Variants in TAF2 observed in about 807,000 individuals in gnomAD.
TAF2 encodes transcription initiation factor TFIID subunit 2.
Under a neutral mutation model 138.5 loss-of-function variants are expected in TAF2, and 61 were observed. The ratio of observed to expected loss-of-function variants is 0.44; its 90% CI spans 0.36 to 0.54. The LOEUF (loss-of-function observed/expected upper bound fraction) is 0.54. Among genes scored for constraint, TAF2 ranks in the 20% least tolerant of loss-of-function variants. The pLI, the probability that TAF2 is intolerant of heterozygous loss-of-function variation, is 0.00. For synonymous variants in TAF2, 475 were observed against 469.9 expected (o/e 1.01, Z -0.14); for missense variants, 1,090 against 1,427.9 (o/e 0.76, Z 3.81).
At chr8:119,783,779 T>C (rs989289551) in intron 15 of TAF2, 146 bp from the exon 16 acceptor site, 3 of 961,648 alleles carry the variant, frequency 3.1e-6, no homozygotes, top group South Asian at 3.6e-5. Flanking sequence ...TATTCATTTT[T>C]TTAAACTGCA....
intron 2 of TAF2, among the ~76,000 whole-genome samples, chr8:119,825,509 A>T (rs1259663226): frequency 6.6e-6 from 1 of 152,098 alleles, no homozygotes; most frequent in Non-Finnish European, 1.5e-5. Flanking sequence ...TGAGGGCTTA[A>T]GATTTGGGAG....
chr8:119,806,478 T>C (rs1220393587), intron 3 of TAF2, 77 bp from the exon 4 acceptor site: 87 of 1,151,608 alleles, frequency 7.6e-5, no homozygotes, highest in African/African-American at 9.5e-5. Flanking sequence ...TCTTTTTTTT[T>C]TTTTTTTTTT....
At position 119,778,116 on chromosome 8, in the gene TAF2, G is replaced by C. The variant is rs752182474; in HGVS notation, c.2267C>G (p.Ala756Gly). ...SYFLQKTMPVAMALLRDVHNL... is the reference protein window; with the variant it reads ...SYFLQKTMPVGMALLRDVHNL... The stretch of plus-strand genomic sequence containing the variant: ...ATGAACATCTCTTAATAAAGCCATT[G>C]CAACTGGCATAGTCTACAAAAGAAA... Residue 756 changes from alanine to glycine, a missense_variant, in exon 18 of 26, where the codon GCA becomes GGA. Ala to Gly is a moderately conservative substitution (Grantham distance 60). Around this residue, in one of 3 missense-constraint regions of TAF2, gnomAD observed 580 missense variants for 719.6 expected, o/e 0.81. Transcript: ENST00000378164. The C allele has an allele frequency of 6.2e-7, 1 of 1,600,766 alleles. No individual in the cohort carries two copies. The highest frequency in any genetic ancestry group is 8.5e-7 in the Non-Finnish European group (1 of 1,170,182).
intron 2 of TAF2, among the ~76,000 whole-genome samples, chr8:119,821,186 A>T (rs1003946838): frequency 1.3e-5 from 2 of 152,184 alleles, no homozygotes; most frequent in Non-Finnish European, 2.9e-5. Context: ...TAGGGCTCTA[A>T]CCTACAGCTG....
chr8:119,767,943 G>A (rs183278102), intron 18 of TAF2, among the ~76,000 whole-genome samples: 177 of 152,242 alleles, frequency 1.2e-3, no homozygotes, highest in Non-Finnish European at 1.9e-3. Flanking sequence ...CTGCCACCTC[G>A]AGGCCAGGGA....
intron 22 of TAF2, among the ~76,000 whole-genome samples, chr8:119,748,027 G>A (rs1041735650): frequency 3.3e-5 from 5 of 152,070 alleles, no homozygotes; most frequent in Non-Finnish European, 5.9e-5. Context: ...GGCTGGGTGA[G>A]GCAGGAGAAT....
chr8:119,759,887 T>G (rs922187136), intron 20 of TAF2, among the ~76,000 whole-genome samples: 2 of 152,306 alleles, frequency 1.3e-5, no homozygotes, highest in African/African-American at 4.8e-5. Flanking sequence ...TGAATCTACA[T>G]ATTCTAAAGA....
chr8:119,812,701 G>A lies in TAF2; in HGVS notation c.300-6300C>T, dbSNP rs192442936. On this transcript the variant is annotated intron_variant, in intron 3 of 25. Transcript: ENST00000378164. Reference sequence around the variant, plus strand: ...AAAGACATTTCATTATTTTTTTATGGCTGAGTAGTATTCCATGGTGTGTGT... The same window carrying A: ...AAAGACATTTCATTATTTTTTTATGACTGAGTAGTATTCCATGGTGTGTGT... 3.4e-3 allele frequency among the ~76,000 whole-genome samples: 505 copies of A among 149,848 alleles called. 2 individuals are homozygous for A. The highest frequency in any genetic ancestry group is 0.011 in the South Asian group (50 of 4,732).
intron 17 of TAF2, among the ~76,000 whole-genome samples, chr8:119,779,946 T>C (rs1341479445): frequency 2.6e-5 from 4 of 152,222 alleles, no homozygotes; most frequent in Admixed American, 2.6e-4. Flanking sequence ...CTCTTTTCCC[T>C]GTGTCATACA....
At chr8:119,819,286 T>C (rs1407776006) in intron 3 of TAF2, 60 bp downstream of exon 3, 1 of 1,549,854 alleles carries the variant, frequency 6.5e-7, no homozygotes, top group East Asian at 2.3e-5. Flanking sequence ...ACTAATCCAA[T>C]CATTAAAAAC....
chr8:119,787,246 C>T, intron 14 of TAF2, among the ~76,000 whole-genome samples: 1 of 152,054 alleles, frequency 6.6e-6, no homozygotes, highest in Non-Finnish European at 1.5e-5. Flanking sequence ...AGGAGATATA[C>T]CTAATGCTAA....
chr8:119,819,314 A>G, intron 3 of TAF2, 32 bp downstream of exon 3: 1 of 1,605,400 alleles, frequency 6.2e-7, no homozygotes, highest in Non-Finnish European at 8.5e-7. Flanking sequence ...CAAAACTGTT[A>G]AAAATAGTGA....
rs768176043 is a variant in TAF2, at chr8:119,781,083, A to G, written c.2223T>C (p.Phe741=). The change falls in exon 17 of 26, where the codon TTT becomes TTC. Residue 741 remains phenylalanine, a synonymous_variant. Transcript: ENST00000378164. ...GTAGAAAATAGCTTTGAAAGCTCATAAAGTTGTTTGTTTTCACAATGTTTG... is the reference window on the plus strand; with the variant it reads ...GTAGAAAATAGCTTTGAAAGCTCATGAAGTTGTTTGTTTTCACAATGTTTG... The part of the protein sequence containing the change: ...SCPNIVKTNN[F]MSFQSYFLQK... 5 of 1,613,756 alleles carry G rather than the reference A, an allele frequency of 3.1e-6. No individual in the cohort carries two copies. In the South Asian group the frequency reaches 5.5e-5, roughly 18 times the overall value.
chr8:119,788,986 T>C lies in TAF2; in HGVS notation c.1569-82A>G, dbSNP rs1372985607. On this transcript the variant is annotated intron_variant, in intron 12 of 25. Transcript: ENST00000378164. ...AAGTTATCCATCATGGTATTAATAATTTTCAAGTGCATTCCCACCAGTTCA... is the reference window on the plus strand; with the variant it reads ...AAGTTATCCATCATGGTATTAATAACTTTCAAGTGCATTCCCACCAGTTCA... The C allele has an allele frequency of 4.2e-6, 4 of 943,564 alleles. No individual in the cohort carries two copies. In the Admixed American group the frequency reaches 7.2e-5, roughly 17 times the overall value. 58.4% of individuals were successfully genotyped at this position (943,564 alleles called of 1,614,324 possible).
Position 119,803,573 on chromosome 8 carries a change from T to C in TAF2, c.560+305A>G, listed in dbSNP as rs542711236. ...CAGGTGTAGTGGTGAATGCCTGTAATACCAGCTACTTGGGAGGCTGAGGCA... is the reference window on the plus strand; with the variant it reads ...CAGGTGTAGTGGTGAATGCCTGTAACACCAGCTACTTGGGAGGCTGAGGCA... On this transcript the variant is annotated intron_variant, in intron 5 of 25. Transcript: ENST00000378164. 9.2e-5 allele frequency among the ~76,000 whole-genome samples: 14 copies of C among 151,884 alleles called. No homozygotes were observed. In the South Asian group the frequency reaches 2.9e-3, roughly 32 times the overall value.
At position 119,791,475 on chromosome 8, in the gene TAF2, A is replaced by C. The variant is rs1465969310; in HGVS notation, c.1278-16T>G. 6.2e-7 allele frequency: 1 copy of C among 1,610,510 alleles called. No individual in the cohort carries two copies. The highest frequency in any genetic ancestry group is 8.5e-7 in the Non-Finnish European group (1 of 1,177,896). ...GGAAGCCGGACTAAAAAAAATAAACACATTTACCTAATACAGCAAATGTGA... is the reference window on the plus strand; with the variant it reads ...GGAAGCCGGACTAAAAAAAATAAACCCATTTACCTAATACAGCAAATGTGA... On this transcript the variant is annotated splice_polypyrimidine_tract_variant and intron_variant, in intron 10 of 25. Coordinates refer to ENST00000378164, the MANE Select transcript of TAF2 (RefSeq NM_003184.4).
chr8:119,793,442 T>A lies in TAF2; in HGVS notation c.1201A>T (p.Lys401Ter). The change falls in exon 10 of 26, where the codon AAA becomes TAA. Residue 401 changes from lysine (K) to a stop codon, truncating the protein, a stop_gained. Coordinates refer to ENST00000378164, the MANE Select transcript of TAF2 (RefSeq NM_003184.4). LOFTEE classifies it high-confidence loss of function. ...YRHWIKEELD[K>*]IVAYELKTGG... ...GTTTTTAGTTCATATGCCACTATTT[T>A]GTCTAGCTCCTAAAAAATATATAAA... 6.2e-7 allele frequency: 1 copy of A among 1,611,844 alleles called. No homozygotes were observed. The highest frequency in any genetic ancestry group is 8.5e-7 in the Non-Finnish European group (1 of 1,178,768).
intron 14 of TAF2, among the ~76,000 whole-genome samples, chr8:119,785,924 T>C (rs1298330558): frequency 1.3e-5 from 2 of 152,078 alleles, no homozygotes; most frequent in African/African-American, 4.8e-5. Context: ...ATTTCCAAGG[T>C]GGATAGGACA....
rs1199882884 is a variant in TAF2, at chr8:119,762,502, G to C, written c.2471C>G (p.Pro824Arg). 5 of 1,613,872 alleles carry C rather than the reference G, an allele frequency of 3.1e-6. No individual in the cohort carries two copies. Among genetic ancestry groups the C allele is most frequent in the Non-Finnish European group, 4.2e-6 (5 of 1,179,914 alleles). The change falls in exon 19 of 26, where the codon CCT becomes CGT. Residue 824 changes from proline (P) to arginine (R), a missense_variant. Around this residue, in one of 3 missense-constraint regions of TAF2, gnomAD observed 580 missense variants for 719.6 expected, o/e 0.81. Transcript: ENST00000378164. ...TTCTTCAAGAATGAGTCGCACATCA[G>C]GATTTAAGTTATCCAAAGTTCTAAC... is the stretch of plus-strand genomic sequence containing the variant. ...NEVRTLDNLN[P>R]DVRLILEEIT...
Sources: gnomAD v4.1 joint callset for allele counts (sites outside exome capture counted in the v4.1 genomes callset) on GRCh38, gnomAD v4.1.1 for gene constraint, gnomAD v4.1.1 regional missense constraint, MANE v1.5 for transcripts, NCBI Gene and HGNC (gene_info 2026-07-23, HGNC 2026-07-21) for gene names.